Variants in ROBO2 observed in about 807,000 individuals in gnomAD.
ROBO2 encodes the protein roundabout homolog 2.
A neutral mutation model predicts 160.8 loss-of-function variants in ROBO2; 53 were observed. The ratio of observed to expected loss-of-function variants is 0.33; its 90% CI spans 0.26 to 0.41. The LOEUF is 0.41. ROBO2 is among the 10% of genes least tolerant of loss of function. The probability of loss-of-function intolerance (pLI) is 1.00; values close to 1 mark genes in which losing one functional copy is unlikely to be tolerated. For missense variants in ROBO2, 1,577 were observed against 1,722.4 expected, an observed-to-expected ratio of 0.92 and a Z score of 1.49; for synonymous variants, 664 against 611.7, an observed-to-expected ratio of 1.09 and a Z score of -1.26.
intron 2 of ROBO2, among the ~76,000 whole-genome samples, chr3:76,337,467 C>T (rs2073965064): frequency 6.6e-6 from 1 of 152,106 alleles, no homozygotes; most frequent in African/African-American, 2.4e-5. Flanking sequence ...CCTTTGCTAA[C>T]AAAACCATTT....
At chr3:76,479,192 G>A (rs1248876855) in intron 2 of ROBO2, among the ~76,000 whole-genome samples, 1 of 152,120 alleles carries the variant, frequency 6.6e-6, no homozygotes. Context: ...AGCAAAGTAG[G>A]TTTGTTAATG....
At chr3:75,981,856 G>A (rs1004606062) in intron 2 of ROBO2, among the ~76,000 whole-genome samples, 2 of 150,816 alleles carry the variant, frequency 1.3e-5, no homozygotes, top group East Asian at 2.0e-4. Context: ...TCAAGTAGTA[G>A]GTCTTATTCA....
intron 2 of ROBO2, among the ~76,000 whole-genome samples, chr3:77,247,044 G>A (rs1053154502): frequency 3.3e-5 from 5 of 152,022 alleles, no homozygotes; most frequent in African/African-American, 1.2e-4. Flanking sequence ...AAAAAATATG[G>A]GTCAACTTTT....
At chr3:76,936,979 A>C (rs1189305858) in intron 2 of ROBO2, among the ~76,000 whole-genome samples, 1 of 151,984 alleles carries the variant, frequency 6.6e-6, no homozygotes, top group Admixed American at 6.5e-5. Flanking sequence ...ATTAACTAGC[A>C]CATTTTATGT....
At chr3:76,412,508 G>C (rs2075542968) in intron 2 of ROBO2, among the ~76,000 whole-genome samples, 1 of 152,190 alleles carries the variant, frequency 6.6e-6, no homozygotes, top group African/African-American at 2.4e-5. Context: ...AAGCCAGCTA[G>C]TTACTTGCTA....
At chr3:76,266,956 C>T (rs1707136563) in intron 2 of ROBO2, among the ~76,000 whole-genome samples, 1 of 152,058 alleles carries the variant, frequency 6.6e-6, no homozygotes. Context: ...TTTAAAAATC[C>T]ACATGTTCTT....
intron 2 of ROBO2, among the ~76,000 whole-genome samples, chr3:76,823,274 A>G (rs1459023504): frequency 6.6e-6 from 1 of 152,162 alleles, no homozygotes; most frequent in Non-Finnish European, 1.5e-5. Flanking sequence ...CACACAATGA[A>G]TCAACCATTT....
At chr3:76,681,934 C>A (rs1303448880) in intron 2 of ROBO2, among the ~76,000 whole-genome samples, 4 of 152,054 alleles carry the variant, frequency 2.6e-5, no homozygotes, top group Admixed American at 6.6e-5. Context: ...AAGTCAGAAG[C>A]CATCAGGCTA....
intron 2 of ROBO2, among the ~76,000 whole-genome samples, chr3:76,297,363 T>G (rs909824838): frequency 5.9e-5 from 9 of 152,190 alleles, no homozygotes; most frequent in African/African-American, 2.2e-4. Flanking sequence ...CCCATTGCCA[T>G]GTCACACTTA....
chr3:76,980,793 G>C (rs2060058663), intron 2 of ROBO2, among the ~76,000 whole-genome samples: 1 of 151,846 alleles, frequency 6.6e-6, no homozygotes, highest in African/African-American at 2.4e-5. Context: ...CACAATTGTA[G>C]ACCATTTTTA....
chr3:77,317,123 G>A (rs2064080639), intron 2 of ROBO2: 8 of 1,227,364 alleles, frequency 6.5e-6, no homozygotes, highest in African/African-American at 1.5e-5. Flanking sequence ...ACTCAGGAAG[G>A]ACTTTGCAGT....
At chr3:76,618,002 C>G (rs1294436221) in intron 2 of ROBO2, among the ~76,000 whole-genome samples, 1 of 151,576 alleles carries the variant, frequency 6.6e-6, no homozygotes, top group Non-Finnish European at 1.5e-5. Context: ...GACACAGCCA[C>G]AGCATATCAC....
intron 2 of ROBO2, among the ~76,000 whole-genome samples, chr3:77,392,462 A>G (rs1465790087): frequency 1.3e-5 from 2 of 152,172 alleles, no homozygotes; most frequent in Non-Finnish European, 2.9e-5. Context: ...TCTACAATGG[A>G]CACCACAATG....
At chr3:76,544,127 C>T (rs905383389) in intron 2 of ROBO2, among the ~76,000 whole-genome samples, 1 of 151,996 alleles carries the variant, frequency 6.6e-6, no homozygotes, top group Non-Finnish European at 1.5e-5. Context: ...CAAGACTGAG[C>T]TCATCTTGTT....
intron 2 of ROBO2, among the ~76,000 whole-genome samples, chr3:76,963,374 T>G (rs192510608): frequency 6.6e-6 from 1 of 152,244 alleles, no homozygotes; most frequent in Non-Finnish European, 1.5e-5. Flanking sequence ...AATGAAAATC[T>G]TAGAAAGCAT....
At chr3:76,849,626 G>A (rs1013611017) in intron 2 of ROBO2, among the ~76,000 whole-genome samples, 1 of 152,086 alleles carries the variant, frequency 6.6e-6, no homozygotes, top group African/African-American at 2.4e-5. Context: ...AAGAATGCTT[G>A]TAAAAATCTA....
At chr3:77,265,754 A>G (rs2059081934) in intron 2 of ROBO2, among the ~76,000 whole-genome samples, 1 of 152,180 alleles carries the variant, frequency 6.6e-6, no homozygotes, top group Non-Finnish European at 1.5e-5. Flanking sequence ...AATATGTTTC[A>G]TGAAGTAGAA....
intron 23 of ROBO2, chr3:77,631,872 T>C (rs1001221677): frequency 2.0e-5 from 3 of 152,112 alleles, no homozygotes; most frequent in Non-Finnish European, 4.4e-5. Context: ...AGCATTTAAA[T>C]TAATAGAACT....
At chr3:76,429,597 A>C (rs2076355492) in intron 2 of ROBO2, among the ~76,000 whole-genome samples, 1 of 152,182 alleles carries the variant, frequency 6.6e-6, no homozygotes, top group Non-Finnish European at 1.5e-5. Context: ...AAAAGCAGTA[A>C]ATATTAAAAG....
Sources: gnomAD v4.1 joint callset for allele counts (sites outside exome capture counted in the v4.1 genomes callset) on GRCh38, gnomAD v4.1.1 for gene constraint, MANE v1.5 for transcripts, NCBI Gene and HGNC (gene_info 2026-07-23, HGNC 2026-07-21) for gene names.